The following SYNPR variants were observed in gnomAD, a reference collection of about 807,000 sequenced individuals.
The protein encoded by SYNPR is synaptoporin.
In SYNPR, 23 loss-of-function variants were observed where a neutral mutation model predicts 32.9. The ratio of observed to expected loss-of-function variants is 0.70; its 90% CI spans 0.50 to 0.99. SYNPR has a LOEUF of 0.99. Ranked by LOEUF, SYNPR falls within the 50% of genes least tolerant of loss-of-function variation. The probability of loss-of-function intolerance (pLI) is 0.00; values close to 1 mark genes in which losing one functional copy is unlikely to be tolerated. For synonymous variants in SYNPR, 146 were observed against 135.9 expected, an observed-to-expected ratio of 1.07 and a Z score of -0.52; for missense variants, 318 against 349.3, an observed-to-expected ratio of 0.91 and a Z score of 0.71.
intron 2 of SYNPR, chr3:63,443,284 C>CT: frequency 6.8e-7 from 1 of 1,467,118 alleles, no homozygotes; most frequent in Admixed American, 2.6e-5. Context: ...ATTGGTATAA[C>CT]ATCTCACTTT....
chr3:63,255,127 G>A (rs777195389), intron 2 of SYNPR, among the ~76,000 whole-genome samples: 3 of 152,130 alleles, frequency 2.0e-5, no homozygotes, highest in African/African-American at 7.2e-5. Flanking sequence ...TTCCCCTGTC[G>A]TGACAAACAA....
intron 3 of SYNPR, among the ~76,000 whole-genome samples, chr3:63,502,046 A>G (rs1380009088): frequency 6.6e-6 from 1 of 152,216 alleles, no homozygotes; most frequent in African/African-American, 2.4e-5. Flanking sequence ...TATATTGATT[A>G]CACATAGATG....
Position 63,408,277 on chromosome 3 carries a change from G to GGA in SYNPR, c.85-72555_85-72554insGA, listed in dbSNP as rs1479705688. Reference sequence around the variant, plus strand: ...AGAAAGAAAGAAAGAAAGAAAGAAAGAGGAAGGAAGGAAGGAAGGAAGGAA... The same window carrying GGA: ...AGAAAGAAAGAAAGAAAGAAAGAAAGGAAGGAAGGAAGGAAGGAAGGAAGGAA... On this transcript the variant is annotated intron_variant, in intron 2 of 5. Transcript: ENST00000478300. Among the ~76,000 whole-genome samples, 207 of 45,628 alleles carry GGA rather than the reference G, an allele frequency of 4.5e-3. 5 individuals carry two copies. Among genetic ancestry groups the GGA allele is most frequent in the Non-Finnish European group, 6.2e-3 (157 of 25,352 alleles). 29.9% of individuals were successfully genotyped at this position (45,628 alleles called of 152,430 possible). A position where few individuals can be genotyped will look rare whatever the true frequency, so the allele number is the denominator to read the frequency against.
chr3:63,467,391 C>A (rs1056635085), intron 2 of SYNPR, among the ~76,000 whole-genome samples: 1 of 152,196 alleles, frequency 6.6e-6, no homozygotes, highest in Non-Finnish European at 1.5e-5. Context: ...TATTTTCTAA[C>A]AGCGACCAAT....
intron 3 of SYNPR, among the ~76,000 whole-genome samples, chr3:63,521,048 G>A (rs1701904529): frequency 6.6e-6 from 1 of 152,182 alleles, no homozygotes; most frequent in African/African-American, 2.4e-5. Context: ...GGGATATGTA[G>A]AGTGTTATGC....
At chr3:63,520,501 T>G (rs1701887243) in intron 3 of SYNPR, among the ~76,000 whole-genome samples, 1 of 152,004 alleles carries the variant, frequency 6.6e-6, no homozygotes, top group Non-Finnish European at 1.5e-5. Flanking sequence ...GGTGAAACCC[T>G]GTCTCTACTA....
rs1013783715 is a variant in SYNPR at position 63,361,158 on chromosome 3, G to A, written c.84+82416G>A. Among the ~76,000 whole-genome samples the A allele has an allele frequency of 3.9e-5, 6 of 152,238 alleles. No individual in the cohort carries two copies. In the South Asian group the frequency reaches 6.2e-4, roughly 16 times the overall value. ...CTTGAAAATCTCCAAGAGTCTCAAT[G>A]GCCTATGCTGGGTTATATGCCCATC... is the stretch of plus-strand genomic sequence containing the variant. On this transcript the variant is annotated intron_variant, in intron 2 of 5. Transcript: ENST00000478300.
intron 2 of SYNPR, among the ~76,000 whole-genome samples, chr3:63,317,646 G>A (rs2087057305): frequency 6.6e-6 from 1 of 151,936 alleles, no homozygotes; most frequent in Non-Finnish European, 1.5e-5. Flanking sequence ...GTCTCCTGGA[G>A]GCAGCAGATA....
chr3:63,284,854 G>A (rs1179703439), intron 2 of SYNPR, among the ~76,000 whole-genome samples: 2 of 152,098 alleles, frequency 1.3e-5, no homozygotes, highest in South Asian at 2.1e-4. Context: ...ATCATATGGG[G>A]GACTATATTA....
intron 3 of SYNPR, among the ~76,000 whole-genome samples, chr3:63,544,498 A>G (rs1389258655): frequency 6.6e-6 from 1 of 152,094 alleles, no homozygotes; most frequent in Non-Finnish European, 1.5e-5. Flanking sequence ...TTATTTCATT[A>G]TAATCTGGCA....
intron 3 of SYNPR, among the ~76,000 whole-genome samples, chr3:63,531,523 C>T (rs1483830580): frequency 2.6e-5 from 4 of 152,156 alleles, no homozygotes; most frequent in South Asian, 2.1e-4. Flanking sequence ...CCACCCTACT[C>T]GAGTATAACC....
At chr3:63,314,099 CA>C (rs2087015247) in intron 2 of SYNPR, among the ~76,000 whole-genome samples, 2 of 111,248 alleles carry the variant, frequency 1.8e-5, no homozygotes, top group Non-Finnish European at 3.7e-5. Flanking sequence ...ATATATATAT[CA>C]CAGTTTCTTT....
At chr3:63,496,653 C>T (rs981795228) in intron 3 of SYNPR, among the ~76,000 whole-genome samples, 3 of 152,156 alleles carry the variant, frequency 2.0e-5, no homozygotes, top group African/African-American at 7.2e-5. Flanking sequence ...TGGAATACTA[C>T]AAATGCATTT....
At chr3:63,306,294 G>A (rs1874927) in intron 2 of SYNPR, among the ~76,000 whole-genome samples, 112,824 of 151,848 alleles carry the variant, frequency 0.74, 43,133 homozygotes, top group Non-Finnish European at 0.83. Flanking sequence ...GGGGAAAGGA[G>A]GAAAGCATCA....
At chr3:63,304,198 G>A (rs2086884827) in intron 2 of SYNPR, among the ~76,000 whole-genome samples, 1 of 152,006 alleles carries the variant, frequency 6.6e-6, no homozygotes, top group African/African-American at 2.4e-5. Context: ...ACTGCTAGAA[G>A]ATCCTTTTCT....
At chr3:63,345,924 C>T (rs2107009836) in intron 2 of SYNPR, among the ~76,000 whole-genome samples, 1 of 152,214 alleles carries the variant, frequency 6.6e-6, no homozygotes, top group Admixed American at 6.5e-5. Flanking sequence ...AAGCGATTCC[C>T]CTGCCTCAGC....
the SYNPR span, among the ~76,000 whole-genome samples, chr3:63,200,656 T>C: frequency 8.5e-5 from 13 of 152,148 alleles, no homozygotes; most frequent in Non-Finnish European, 1.6e-4. Context: ...TCTCTGCAAA[T>C]ACATGGTGAG....
chr3:63,611,915 A>G (rs1337514205), intron 5 of SYNPR, among the ~76,000 whole-genome samples: 1 of 152,190 alleles, frequency 6.6e-6, no homozygotes, highest in Non-Finnish European at 1.5e-5. Context: ...GACTCAGAGA[A>G]CACACTTTAC....
At chr3:63,514,899 C>A (rs1266483463) in intron 3 of SYNPR, among the ~76,000 whole-genome samples, 1 of 152,048 alleles carries the variant, frequency 6.6e-6, no homozygotes, top group Non-Finnish European at 1.5e-5. Flanking sequence ...AGGTTTCCCA[C>A]AAAAACATTT....
Sources: allele counts gnomAD v4.1 joint callset (sites outside exome capture counted in the v4.1 genomes callset), GRCh38; gene constraint gnomAD v4.1.1; transcripts MANE v1.5; gene names NCBI Gene and HGNC (gene_info 2026-07-23, HGNC 2026-07-21).